MIB1: variants seen among roughly 807,000 people sequenced by gnomAD.
MIB1 encodes the protein MIB E3 ubiquitin protein ligase 1, also known as E3 ubiquitin-protein ligase MIB1.
A neutral mutation model predicts 124.5 loss-of-function variants in MIB1; 278 were observed. The ratio of observed to expected loss-of-function variants is 2.23; its 90% confidence interval spans 2.02 to 2.47. The LOEUF (loss-of-function observed/expected upper bound fraction) is 2.47. Ranked by LOEUF, MIB1 falls within the 30% of genes most tolerant of loss-of-function variation. The pLI is 0.00. For synonymous variants in MIB1, 446 were observed against 429.4 expected (o/e 1.04, Z -0.48); for missense variants, 957 against 1,254.4 (o/e 0.76, Z 3.58).
At chr18:21,771,730 A>C (rs1292780980) in intron 3 of MIB1, among the ~76,000 whole-genome samples, 1 of 151,780 alleles carries the variant, frequency 6.6e-6, no homozygotes, top group Non-Finnish European at 1.5e-5. Flanking sequence ...TTATTTTTTT[A>C]TTCCTTAAAG....
chr18:21,840,985 G>T (rs2042083857), intron 13 of MIB1, among the ~76,000 whole-genome samples: 1 of 152,036 alleles, frequency 6.6e-6, no homozygotes, highest in African/African-American at 2.4e-5. Flanking sequence ...CTCATCAAAA[G>T]ATACCATTAA....
In MIB1 at chr18:21,765,792, A is replaced by G. The variant is rs2041150355; in HGVS notation, c.250A>G (p.Met84Val). The G allele has an allele frequency of 6.2e-7, 1 of 1,614,022 alleles. No homozygotes were observed. The highest frequency in any genetic ancestry group is 1.3e-5 in the African/African-American group (1 of 74,942). Residue 84 changes from methionine to valine, a missense_variant, in exon 2 of 21, where the codon ATG becomes GTG. Transcript: ENST00000261537. Reference sequence around the variant, plus strand: ...AATAGGCATCAAGCATGATGGAACCATGTGTGATACCTGCCGCCAGCAACC... The same window carrying G: ...AATAGGCATCAAGCATGATGGAACCGTGTGTGATACCTGCCGCCAGCAACC... ...APTGIKHDGTMCDTCRQQPII... is the reference protein window; with the variant it reads ...APTGIKHDGTVCDTCRQQPII...
chr18:21,784,156 C>A (rs1469845382), intron 6 of MIB1, among the ~76,000 whole-genome samples: 1 of 150,542 alleles, frequency 6.6e-6, no homozygotes, highest in East Asian at 2.0e-4. Flanking sequence ...TCAGACAATT[C>A]TCCTGCCTCA....
chr18:21,838,398 AC>A lies in MIB1; in HGVS notation c.1865del (p.Pro622HisfsTer24). 1 of 1,606,802 alleles carries A rather than the reference AC, an allele frequency of 6.2e-7. No homozygotes were observed. The highest frequency in any genetic ancestry group is 8.5e-7 in the Non-Finnish European group (1 of 1,175,310). ...MRVLLSKLPR[P>X]WIVDEKKDDG... ...GTGTTTTACTATCTAAATTACCAAG[AC>A]CATGGATTGTGGATGAGAAGAAAGA... On this transcript the variant is annotated frameshift_variant, in exon 13 of 21. Transcript: ENST00000261537. LOFTEE classifies it high-confidence loss of function.
intron 7 of MIB1, among the ~76,000 whole-genome samples, chr18:21,793,618 T>C (rs2041533322): frequency 6.6e-6 from 1 of 151,316 alleles, no homozygotes; most frequent in Admixed American, 6.6e-5. Flanking sequence ...CTGTTTCTAC[T>C]AAAAATACAA....
chr18:21,738,546 G>A (rs186087340), upstream of MIB1, among the ~76,000 whole-genome samples: 1,647 of 151,908 alleles, frequency 0.011, 8 homozygotes, highest in Middle Eastern at 0.027. Context: ...GGTGGCTCAC[G>A]CCTGTAATCC....
intron 1 of MIB1, among the ~76,000 whole-genome samples, chr18:21,751,912 G>A (rs2040979421): frequency 6.6e-6 from 1 of 152,130 alleles, no homozygotes; most frequent in Non-Finnish European, 1.5e-5. Flanking sequence ...TCCATGCTGT[G>A]GTTATTTGAT....
chr18:21,747,158 T>C (rs1172068352), intron 1 of MIB1, among the ~76,000 whole-genome samples: 1 of 152,250 alleles, frequency 6.6e-6, no homozygotes, highest in Non-Finnish European at 1.5e-5. Flanking sequence ...CTTTATTTCC[T>C]CATAGATCCT....
chr18:21,853,753 A>C (rs2042201299), intron 18 of MIB1, among the ~76,000 whole-genome samples: 1 of 152,160 alleles, frequency 6.6e-6, no homozygotes, highest in South Asian at 2.1e-4. Context: ...TTTCTTTTAA[A>C]CATATTCTCT....
intron 1 of MIB1, among the ~76,000 whole-genome samples, chr18:21,713,754 CTTT>C (rs79864353): frequency 2.2e-5 from 3 of 138,298 alleles, no homozygotes; most frequent in Admixed American, 7.3e-5. Flanking sequence ...CACCCCTCTC[CTTT>C]TTTTTTTTTT....
rs772154863 is a variant in MIB1 at position 21,869,506 on chromosome 18, C to T, written c.*4840C>T. The T allele has an allele frequency of 3.3e-5, 5 of 152,396 alleles. No homozygotes were observed. Among genetic ancestry groups the T allele is most frequent in the African/African-American group, 9.7e-5 (4 of 41,406 alleles). 9.4% of individuals were successfully genotyped at this position (152,396 alleles called of 1,614,324 possible). ...TAGTGCACGTGTATCATTATATACA[C>T]GTTTTAAAGTCATATTGCTTAGCTT... On this transcript the variant is annotated 3_prime_UTR_variant, in exon 21 of 21. Coordinates refer to ENST00000261537, the MANE Select transcript of MIB1 (RefSeq NM_020774.4).
chr18:21,754,735 A>G (rs1478987070), intron 1 of MIB1, among the ~76,000 whole-genome samples: 1 of 152,224 alleles, frequency 6.6e-6, no homozygotes, highest in Non-Finnish European at 1.5e-5. Context: ...AAAGAAATTC[A>G]TGTTAGTTTT....
At chr18:21,724,722 AAAAAAATATATATATATATATATATAT>A (rs1324848364) in intron 1 of MIB1, among the ~76,000 whole-genome samples, 1 of 66,234 alleles carries the variant, frequency 1.5e-5, no homozygotes, top group African/African-American at 6.2e-5. Flanking sequence ...CAAAAAAAAA[AAAAAAATATATATATATATATATATAT>A]ATATATATAT....
intron 6 of MIB1, among the ~76,000 whole-genome samples, chr18:21,787,756 T>A (rs534977163): frequency 6.5e-4 from 98 of 151,096 alleles, no homozygotes; most frequent in African/African-American, 2.3e-3. Flanking sequence ...TGGTGCTGGG[T>A]ATTTTTTTTT....
intron 12 of MIB1, among the ~76,000 whole-genome samples, chr18:21,837,743 T>C (rs937645212): frequency 4.6e-5 from 7 of 152,352 alleles, no homozygotes; most frequent in Non-Finnish European, 1.0e-4. Flanking sequence ...ATGGCCATTT[T>C]GTGTGTTTTG....
intron 12 of MIB1, among the ~76,000 whole-genome samples, chr18:21,836,473 TCTGCGTCATCCCTCCTTACCC>T (rs2042033956): frequency 6.6e-6 from 1 of 152,124 alleles, no homozygotes; most frequent in African/African-American, 2.4e-5. Context: ...AGAAATGTCT[TCTGCGTCATCCCTCCTTACCC>T]CTTTTTTGTC....
rs762143417 is a variant in MIB1 at position 21,765,755 on chromosome 18, T to C, written c.230-17T>C. 3 of 1,606,712 alleles carry C rather than the reference T, an allele frequency of 1.9e-6. No individual in the cohort carries two copies. The highest frequency in any genetic ancestry group is 2.6e-6 in the Non-Finnish European group (3 of 1,174,842). On this transcript the variant is annotated splice_polypyrimidine_tract_variant and intron_variant, in intron 1 of 20. Coordinates refer to ENST00000261537, the MANE Select transcript of MIB1 (RefSeq NM_020774.4). ...AAAATTTGTGATTAATCTGAGCATG[T>C]GTCCTTGTTTTAATAGGCATCAAGC...
At chr18:21,760,851 A>G (rs1018136855) in intron 1 of MIB1, among the ~76,000 whole-genome samples, 10 of 152,254 alleles carry the variant, frequency 6.6e-5, no homozygotes, top group African/African-American at 2.4e-4. Context: ...CAGTTAATTC[A>G]GGATAAACTT....
chr18:21,729,721 C>T (rs569236979), intron 1 of MIB1, among the ~76,000 whole-genome samples: 110 of 152,266 alleles, frequency 7.2e-4, no homozygotes, highest in African/African-American at 2.6e-3. Context: ...AACTCCTGGC[C>T]TCAAGTGATC....
Sources: allele counts gnomAD v4.1 joint callset (sites outside exome capture counted in the v4.1 genomes callset), GRCh38; gene constraint gnomAD v4.1.1; transcripts MANE v1.5; gene names NCBI Gene and HGNC (gene_info 2026-07-23, HGNC 2026-07-21).